Variants in CAMK1D observed in about 807,000 individuals in gnomAD.
CAMK1D encodes the protein calcium/calmodulin dependent protein kinase ID.
Under a neutral mutation model 47.7 loss-of-function variants are expected in CAMK1D, and 9 were observed. The ratio of observed to expected loss-of-function variants is 0.19; its 90% CI spans 0.11 to 0.33. The LOEUF is 0.33. Among genes scored for constraint, CAMK1D ranks in the 10% least tolerant of loss-of-function variants. The pLI is 1.00. For synonymous variants in CAMK1D, 184 were observed against 184.9 expected, an observed-to-expected ratio of 0.99 and a Z score of 0.04; for missense variants, 291 against 488.7, an observed-to-expected ratio of 0.60 and a Z score of 3.81.
intron 1 of CAMK1D, among the ~76,000 whole-genome samples, chr10:12,401,063 ATT>A (rs1491373458): frequency 2.1e-5 from 2 of 94,016 alleles, no homozygotes; most frequent in African/African-American, 8.2e-5. Flanking sequence ...TTATATATAT[ATT>A]TTATATATAT....
chr10:12,480,689 C>T (rs12775849), intron 1 of CAMK1D, among the ~76,000 whole-genome samples: 20,797 of 152,090 alleles, frequency 0.14, 1,555 homozygotes, highest in Non-Finnish European at 0.18. Context: ...TGCCCAAGGC[C>T]GTGTAGGTGA....
chr10:12,764,381 C>CAAAAAAAAAAAAAAAAAA (rs56657709), intron 4 of CAMK1D, among the ~76,000 whole-genome samples: 4 of 77,982 alleles, frequency 5.1e-5, no homozygotes, highest in African/African-American at 2.0e-4. Context: ...CACTTTGTCT[C>CAAAAAAAAAAAAAAAAAA]AAAAAAAAAA....
chr10:12,772,673 G>A (rs1187881807), intron 5 of CAMK1D, among the ~76,000 whole-genome samples: 1 of 152,202 alleles, frequency 6.6e-6, no homozygotes, highest in South Asian at 2.1e-4. Context: ...AGAGTCCATC[G>A]CTCTTGCTAC....
chr10:12,487,038 T>C (rs11257823), intron 1 of CAMK1D, among the ~76,000 whole-genome samples: 6,625 of 152,300 alleles, frequency 0.043, 559 homozygotes, highest in East Asian at 0.41. Flanking sequence ...TTATTTTAGG[T>C]TCAGGGGTAC....
intron 1 of CAMK1D, among the ~76,000 whole-genome samples, chr10:12,527,306 T>G (rs1337406499): frequency 6.6e-6 from 1 of 151,806 alleles, no homozygotes; most frequent in Non-Finnish European, 1.5e-5. Context: ...TTTCTTGGAA[T>G]TTTTGGTGTC....
chr10:12,798,957 A>G (rs540089593), intron 6 of CAMK1D, among the ~76,000 whole-genome samples: 16 of 152,310 alleles, frequency 1.1e-4, no homozygotes, highest in Admixed American at 1.0e-3. Flanking sequence ...AAAAGAACCA[A>G]GGAACATGCA....
chr10:12,362,653 A>T (rs571511997), intron 1 of CAMK1D, among the ~76,000 whole-genome samples: 176 of 152,150 alleles, frequency 1.2e-3, no homozygotes, highest in African/African-American at 4.0e-3. Flanking sequence ...GCCCGCCATG[A>T]TGCCTGGCTA....
intron 5 of CAMK1D, among the ~76,000 whole-genome samples, chr10:12,786,071 T>C (rs908099011): frequency 5.9e-5 from 9 of 152,284 alleles, no homozygotes; most frequent in Admixed American, 4.6e-4. Flanking sequence ...GAAGTGATCT[T>C]GGTGGGCTTT....
intron 1 of CAMK1D, among the ~76,000 whole-genome samples, chr10:12,396,271 C>T (rs182452963): frequency 1.3e-5 from 2 of 152,328 alleles, no homozygotes; most frequent in Admixed American, 1.3e-4. Flanking sequence ...TCCTGCTGGG[C>T]GCTGCTGGTG....
chr10:12,529,618 G>A (rs139988328), intron 1 of CAMK1D, among the ~76,000 whole-genome samples: 99 of 152,292 alleles, frequency 6.5e-4, no homozygotes, highest in African/African-American at 2.2e-3. Flanking sequence ...GTGGGTCTGT[G>A]AGTCTGTTTT....
intron 1 of CAMK1D, among the ~76,000 whole-genome samples, chr10:12,448,491 C>T (rs1832987888): frequency 6.6e-6 from 1 of 152,212 alleles, no homozygotes; most frequent in Non-Finnish European, 1.5e-5. Flanking sequence ...GCCACCATGC[C>T]TGGCCCACAG....
chr10:12,463,679 G>T (rs576383803), intron 1 of CAMK1D, among the ~76,000 whole-genome samples: 2 of 152,010 alleles, frequency 1.3e-5, no homozygotes, highest in African/African-American at 4.8e-5. Context: ...ACCTCTCGGT[G>T]AGTTGAAGGG....
intron 2 of CAMK1D, among the ~76,000 whole-genome samples, chr10:12,642,048 T>TAAAAAAAAAA (rs34344996): frequency 7.5e-6 from 1 of 133,292 alleles, no homozygotes; most frequent in Non-Finnish European, 1.6e-5. Flanking sequence ...TTTCTCAGAA[T>TAAAAAAAAAA]AAAAAAAAAA....
intron 1 of CAMK1D, among the ~76,000 whole-genome samples, chr10:12,359,543 C>T (rs1391484503): frequency 2.0e-5 from 3 of 151,060 alleles, no homozygotes; most frequent in Non-Finnish European, 4.4e-5. Flanking sequence ...TTTTTCTCTG[C>T]ACCTCTCCCT....
intron 1 of CAMK1D, among the ~76,000 whole-genome samples, chr10:12,467,968 A>C (rs867400112): frequency 2.2e-4 from 34 of 152,338 alleles, no homozygotes; most frequent in South Asian, 1.0e-3. Flanking sequence ...AAATCTTACA[A>C]GTTTACAGTA....
At chr10:12,464,148 T>A (rs1833521393) in intron 1 of CAMK1D, among the ~76,000 whole-genome samples, 1 of 152,154 alleles carries the variant, frequency 6.6e-6, no homozygotes, top group Non-Finnish European at 1.5e-5. Context: ...TTAAAGTATA[T>A]CTCAAAACAA....
intron 3 of CAMK1D, among the ~76,000 whole-genome samples, chr10:12,674,007 G>T (rs180717485): frequency 6.6e-6 from 1 of 152,050 alleles, no homozygotes; most frequent in Non-Finnish European, 1.5e-5. Flanking sequence ...GGGCACTGGC[G>T]TGATCATATA....
chr10:12,630,381 T>G (rs1839344234), intron 2 of CAMK1D, among the ~76,000 whole-genome samples: 1 of 131,864 alleles, frequency 7.6e-6, no homozygotes, highest in Non-Finnish European at 1.7e-5. Flanking sequence ...TTCTTTTTTT[T>G]TTTTTTTAAA....
chr10:12,549,283 G>T (rs1031602128), intron 1 of CAMK1D, among the ~76,000 whole-genome samples: 5 of 152,174 alleles, frequency 3.3e-5, no homozygotes, highest in African/African-American at 9.7e-5. Flanking sequence ...GATGACTTTG[G>T]ACACCTCCTG....
Sources: gnomAD v4.1 joint callset for allele counts (sites outside exome capture counted in the v4.1 genomes callset) on GRCh38, gnomAD v4.1.1 for gene constraint, MANE v1.5 for transcripts, NCBI Gene and HGNC (gene_info 2026-07-23, HGNC 2026-07-21) for gene names.